Variants in ADAMTS2 observed in about 807,000 individuals in gnomAD.
The protein encoded by ADAMTS2 is A disintegrin and metalloproteinase with thrombospondin motifs 2.
In ADAMTS2, 50 loss-of-function variants were observed where a neutral mutation model predicts 123.0. The ratio of observed to expected loss-of-function variants is 0.41; its 90% CI spans 0.32 to 0.51. The LOEUF (loss-of-function observed/expected upper bound fraction) is 0.51. Ranked by LOEUF, ADAMTS2 falls within the 20% of genes least tolerant of loss-of-function variation. The pLI is 0.35. For synonymous variants in ADAMTS2, 678 were observed against 695.4 expected (o/e 0.98, Z 0.39); for missense variants, 1,494 against 1,705.2 (o/e 0.88, Z 2.18).
rs140464641 is a variant in ADAMTS2 at position 179,322,101 on chromosome 5, T to A, written c.534+21666A>T. 1.9e-4 allele frequency among the ~76,000 whole-genome samples: 29 copies of A among 152,360 alleles called. No homozygotes were observed. The East Asian group carries it at 4.1e-3, about 21-fold the overall frequency. Reference sequence around the variant, plus strand: ...GGAGACACACAAAAATGTTGAAAGCTAATGGCACTGCAGGGATTTCCATTT... The same window carrying A: ...GGAGACACACAAAAATGTTGAAAGCAAATGGCACTGCAGGGATTTCCATTT... On this transcript the variant is annotated intron_variant, in intron 2 of 21. Transcript: ENST00000251582.
chr5:179,152,247 G>T lies in ADAMTS2; in HGVS notation c.1524C>A (p.Thr508=), dbSNP rs778841966. ...LGYMMCTAFR[T]FDPCKQLWCS... ...ACCACAGCTGCTTGCAGGGGTCAAA[G>T]GTCCGGAACTGGAAGACAGCACCAT... The change falls in exon 10 of 22, where the codon ACC becomes ACA. Residue 508 remains threonine, a synonymous_variant. Transcript: ENST00000251582. 1.8e-5 allele frequency: 29 copies of T among 1,613,986 alleles called. No individual in the cohort carries two copies. In the East Asian group the frequency reaches 6.5e-4, roughly 36 times the overall value.
chr5:179,268,214 G>A (rs1195954955), intron 3 of ADAMTS2, among the ~76,000 whole-genome samples: 3 of 152,152 alleles, frequency 2.0e-5, no homozygotes, highest in Admixed American at 6.5e-5. Flanking sequence ...CCTCCCAGAC[G>A]CCCTGTGCCC....
At position 179,136,746 on chromosome 5, in the gene ADAMTS2, G is replaced by A. The variant is rs566452290; in HGVS notation, c.1952-704C>T. 8.6e-5 allele frequency among the ~76,000 whole-genome samples: 13 copies of A among 151,630 alleles called. No individual in the cohort carries two copies. In the South Asian group the frequency reaches 2.3e-3, roughly 27 times the overall value. ...AGCACTTTGGGAGGCCGAGGCAGGC[G>A]GATCATGACGTCAGGAGATGGAGAC... On this transcript the variant is annotated intron_variant, in intron 12 of 21. Coordinates refer to ENST00000251582, the MANE Select transcript of ADAMTS2 (RefSeq NM_014244.5).
chr5:179,293,925 G>GT (rs1334587422), intron 2 of ADAMTS2, among the ~76,000 whole-genome samples: 3 of 151,836 alleles, frequency 2.0e-5, no homozygotes, highest in Non-Finnish European at 2.9e-5. Context: ...CCTGGCCAAG[G>GT]TTTTTTTGTT....
At chr5:179,313,224 C>T (rs1029744538) in intron 2 of ADAMTS2, among the ~76,000 whole-genome samples, 3 of 137,162 alleles carry the variant, frequency 2.2e-5, no homozygotes, top group Admixed American at 1.5e-4. Context: ...ACACACACAC[C>T]GAGACAGAGG....
At position 179,272,785 on chromosome 5, in the gene ADAMTS2, G is replaced by T; in HGVS notation, c.688+126C>A. On this transcript the variant is annotated intron_variant, in intron 3 of 21. Coordinates refer to ENST00000251582, the MANE Select transcript of ADAMTS2 (RefSeq NM_014244.5). The surrounding 1 kb of genome is among the most constrained non-coding windows in gnomAD (Gnocchi z 5.8). ...AGCTGGCCCATTTCTGAGCCACTGA[G>T]ACCGGGGCTCAGCCTCAGCAGCCAA... The T allele has an allele frequency of 7.9e-7, 1 of 1,266,234 alleles. No individual in the cohort carries two copies. The highest frequency in any genetic ancestry group is 1.1e-6 in the Non-Finnish European group (1 of 926,116). The allele number at this position is 1,266,234 out of a possible 1,614,324, so 78.4% of individuals were successfully genotyped here. A position where few individuals can be genotyped will look rare whatever the true frequency, so the allele number is the denominator to read the frequency against.
At position 179,185,155 on chromosome 5, in the gene ADAMTS2, G is replaced by C. The variant is rs761963484; in HGVS notation, c.892-4000C>G. ...GCACTGAGGCCAGACCACGAAGTCA[G>C]GAGAAGGATTCCAAATCCTCTCTAA... On this transcript the variant is annotated intron_variant, in intron 4 of 21. Transcript: ENST00000251582. This position sits in a 1 kb window ranked among gnomAD's most constrained non-coding sequence, Gnocchi z 5.9. Among the ~76,000 whole-genome samples, 17 of 152,164 alleles carry C rather than the reference G, an allele frequency of 1.1e-4. No homozygotes were observed. Among genetic ancestry groups the C allele is most frequent in the Non-Finnish European group, 2.2e-4 (15 of 68,028 alleles).
In ADAMTS2 at chr5:179,113,523, G is replaced by T; in HGVS notation, c.*344C>A. 2.9e-6 allele frequency: 1 copy of T among 348,392 alleles called. No homozygotes were observed. The highest frequency in any genetic ancestry group is 5.4e-6 in the Non-Finnish European group (1 of 185,432). The allele number at this position is 348,392 out of a possible 1,614,324, so 21.6% of individuals were successfully genotyped here. On this transcript the variant is annotated 3_prime_UTR_variant, in exon 22 of 22. Transcript: ENST00000251582. The stretch of plus-strand genomic sequence containing the variant: ...ATGCATCTCCGCCAAGGAAAGGAAG[G>T]TTCCCAATCACTGCTTAGCAACTTG...
intron 2 of ADAMTS2, among the ~76,000 whole-genome samples, chr5:179,282,094 G>C (rs1385263668): frequency 6.6e-6 from 1 of 152,154 alleles, no homozygotes; most frequent in Non-Finnish European, 1.5e-5. Flanking sequence ...TCTGTGGGCT[G>C]TCTTTTCAAC....
intron 10 of ADAMTS2, among the ~76,000 whole-genome samples, chr5:179,145,781 C>T (rs1381326006): frequency 6.6e-6 from 1 of 152,122 alleles, no homozygotes; most frequent in African/African-American, 2.4e-5. Context: ...AATGTTCCAG[C>T]GCTTGTTTGT....
chr5:179,336,770 C>T (rs962325941), intron 2 of ADAMTS2, among the ~76,000 whole-genome samples: 6 of 152,310 alleles, frequency 3.9e-5, no homozygotes, highest in Middle Eastern at 3.4e-3. Flanking sequence ...TTCTCAGGAT[C>T]GTGGTGCTTG....
At chr5:179,284,251 C>T (rs904361744) in intron 2 of ADAMTS2, among the ~76,000 whole-genome samples, 1 of 150,556 alleles carries the variant, frequency 6.6e-6, no homozygotes, top group South Asian at 2.2e-4. Flanking sequence ...ATTGCTTGAA[C>T]CCAGGAGGCT....
chr5:179,270,260 G>A (rs1375180551), intron 3 of ADAMTS2, among the ~76,000 whole-genome samples: 2 of 152,092 alleles, frequency 1.3e-5, no homozygotes. Context: ...AGGACATCCT[G>A]AAAAGGAGGC....
At chr5:179,174,484 T>C (rs888570517) in intron 5 of ADAMTS2, among the ~76,000 whole-genome samples, 6 of 152,208 alleles carry the variant, frequency 3.9e-5, no homozygotes, top group African/African-American at 1.2e-4. Context: ...TATTTTCTTC[T>C]TGATTTGTGT....
intron 3 of ADAMTS2, among the ~76,000 whole-genome samples, chr5:179,258,474 G>C (rs573847143): frequency 6.6e-6 from 1 of 152,218 alleles, no homozygotes; most frequent in Non-Finnish European, 1.5e-5. Context: ...GGCCACCCCA[G>C]CCTCGGCCCC....
intron 3 of ADAMTS2, among the ~76,000 whole-genome samples, chr5:179,259,715 A>G (rs1224704997): frequency 6.6e-6 from 1 of 152,232 alleles, no homozygotes; most frequent in African/African-American, 2.4e-5. Context: ...GCAGTCTGGC[A>G]TCAGACATTC....
intron 2 of ADAMTS2, among the ~76,000 whole-genome samples, chr5:179,310,881 G>T (rs1040676022): frequency 6.6e-6 from 1 of 152,064 alleles, no homozygotes; most frequent in Non-Finnish European, 1.5e-5. Flanking sequence ...AAACTGCAGG[G>T]GTCAGGGAGG....
intron 3 of ADAMTS2, among the ~76,000 whole-genome samples, chr5:179,265,999 C>G (rs541661341): frequency 1.2e-4 from 18 of 152,344 alleles, no homozygotes; most frequent in African/African-American, 4.3e-4. Flanking sequence ...AGGGCCCAGG[C>G]TGACCAGGGT....
chr5:179,200,495 C>T (rs556686056), intron 4 of ADAMTS2, among the ~76,000 whole-genome samples: 6 of 152,182 alleles, frequency 3.9e-5, no homozygotes, highest in South Asian at 4.2e-4. Context: ...GTGATCCGCC[C>T]GCCTTGGCCT....
Sources: allele counts gnomAD v4.1 joint callset (sites outside exome capture counted in the v4.1 genomes callset), GRCh38; gene constraint gnomAD v4.1.1; non-coding constraint Gnocchi (gnomAD v3.1); transcripts MANE v1.5; gene names NCBI Gene and HGNC (gene_info 2026-07-23, HGNC 2026-07-21).